HRH1: variants seen among roughly 807,000 people sequenced by gnomAD.
HRH1 encodes histamine H1 receptor.
Under a neutral mutation model 10.3 loss-of-function variants are expected in HRH1, and 6 were observed. The ratio of observed to expected loss-of-function variants is 0.58; its 90% CI spans 0.32 to 1.15. HRH1 has a LOEUF of 1.15. Ranked by LOEUF, HRH1 falls within the 50% of genes most tolerant of loss-of-function variation. HRH1 has a pLI of 0.05. For missense variants in HRH1, 514 were observed against 615.3 expected, an observed-to-expected ratio of 0.84 and a Z score of 1.74; for synonymous variants, 242 against 236.7, an observed-to-expected ratio of 1.02 and a Z score of -0.21.
At chr3:11,137,995 G>A (rs1429405327) in intron 1 of HRH1, among the ~76,000 whole-genome samples, 4 of 151,898 alleles carry the variant, frequency 2.6e-5, no homozygotes, top group Non-Finnish European at 5.9e-5. Context: ...CCTGATACAG[G>A]TGTACTATCC....
intron 1 of HRH1, among the ~76,000 whole-genome samples, chr3:11,168,162 A>G (rs1937084401): frequency 6.6e-6 from 1 of 152,212 alleles, no homozygotes; most frequent in South Asian, 2.1e-4. Flanking sequence ...CAAAGGGGAC[A>G]GCAAGGCCTG....
intron 1 of HRH1, among the ~76,000 whole-genome samples, chr3:11,169,115 C>T (rs1559258699): frequency 6.6e-6 from 1 of 152,204 alleles, no homozygotes; most frequent in Non-Finnish European, 1.5e-5. Context: ...GAGTTTGAAT[C>T]ACGGCTCTGC....
At position 11,259,445 on chromosome 3, in the gene HRH1, T is replaced by G; in HGVS notation, c.408T>G (p.Leu136=). The G allele has an allele frequency of 6.2e-7, 1 of 1,613,706 alleles. No homozygotes were observed. Among genetic ancestry groups the G allele is most frequent in the Non-Finnish European group, 8.5e-7 (1 of 1,179,894 alleles). ...YRSVQQPLRY[L]KYRTKTRASA... Reference sequence around the variant, plus strand: ...CTGTCCAGCAGCCCCTCAGGTACCTTAAGTATCGTACCAAGACCCGAGCCT... The same window carrying G: ...CTGTCCAGCAGCCCCTCAGGTACCTGAAGTATCGTACCAAGACCCGAGCCT... Residue 136 remains leucine, a synonymous_variant, in exon 2 of 2, where the codon CTT becomes CTG. Transcript: ENST00000431010. The surrounding 1 kb of genome is among the most constrained non-coding windows in gnomAD (Gnocchi z 4.6).
intron 1 of HRH1, among the ~76,000 whole-genome samples, chr3:11,235,948 TG>T (rs897265541): frequency 6.6e-5 from 10 of 152,170 alleles, no homozygotes; most frequent in African/African-American, 2.4e-4. Flanking sequence ...AAATCTCTGA[TG>T]TATGTGGCCA....
At chr3:11,153,350 A>C (rs1225177900), upstream of HRH1, among the ~76,000 whole-genome samples, 2 of 152,188 alleles carry the variant, frequency 1.3e-5, no homozygotes, top group Non-Finnish European at 2.9e-5. Context: ...TGTTACCGAC[A>C]TGGGCCCTGA....
At chr3:11,142,652 C>T (rs183762583) in intron 1 of HRH1, among the ~76,000 whole-genome samples, 30 of 152,320 alleles carry the variant, frequency 2.0e-4, no homozygotes, top group Non-Finnish European at 3.8e-4. Flanking sequence ...CAGTGGCTCA[C>T]GCCTGTAATT....
chr3:11,219,442 G>A (rs1412115059), intron 1 of HRH1, among the ~76,000 whole-genome samples: 3 of 151,982 alleles, frequency 2.0e-5, no homozygotes, highest in African/African-American at 4.8e-5. Flanking sequence ...GGCTGGGCAC[G>A]GTGGCTCATG....
intron 1 of HRH1, among the ~76,000 whole-genome samples, chr3:11,207,521 A>C (rs970572199): frequency 4.3e-4 from 66 of 152,224 alleles, no homozygotes; most frequent in African/African-American, 1.5e-3. Context: ...GTGAGCCGAG[A>C]TCATGCCACT....
At chr3:11,150,882 C>T (rs1177108444), upstream of HRH1, among the ~76,000 whole-genome samples, 1 of 152,238 alleles carries the variant, frequency 6.6e-6, no homozygotes, top group African/African-American at 2.4e-5. Flanking sequence ...CTACCAGAGC[C>T]AAGCACTGTG....
intron 1 of HRH1, among the ~76,000 whole-genome samples, chr3:11,163,380 G>T (rs1314851100): frequency 6.6e-6 from 1 of 152,202 alleles, no homozygotes; most frequent in East Asian, 1.9e-4. Flanking sequence ...CATCTGGAAA[G>T]ATGTCCCTGA....
At chr3:11,238,819 A>G (rs1939257110) in intron 1 of HRH1, among the ~76,000 whole-genome samples, 1 of 152,192 alleles carries the variant, frequency 6.6e-6, no homozygotes, top group Admixed American at 6.5e-5. Context: ...TTCACCTAGC[A>G]TGATGTTTTT....
At chr3:11,190,350 AAT>A (rs58649558) in intron 1 of HRH1, among the ~76,000 whole-genome samples, 16 of 147,786 alleles carry the variant, frequency 1.1e-4, no homozygotes, top group Admixed American at 2.0e-4. Flanking sequence ...TGTCTCTAGT[AAT>A]ATATATATAT....
At chr3:11,230,891 A>G (rs542320334) in intron 1 of HRH1, among the ~76,000 whole-genome samples, 1 of 152,350 alleles carries the variant, frequency 6.6e-6, no homozygotes, top group African/African-American at 2.4e-5. Context: ...CAGTGGTAGC[A>G]TATTACAAAA....
chr3:11,196,374 A>G (rs1937651569), intron 1 of HRH1, among the ~76,000 whole-genome samples: 2 of 151,762 alleles, frequency 1.3e-5, no homozygotes, highest in African/African-American at 4.8e-5. Context: ...CATTTGCCAC[A>G]AACACACTGT....
intron 1 of HRH1, among the ~76,000 whole-genome samples, chr3:11,174,758 G>A (rs1318631318): frequency 1.3e-5 from 2 of 152,212 alleles, no homozygotes; most frequent in African/African-American, 2.4e-5. Context: ...TACAGGGGCT[G>A]GAACCTGGGA....
At chr3:11,251,044 C>T (rs1422023644) in intron 1 of HRH1, among the ~76,000 whole-genome samples, 6 of 152,208 alleles carry the variant, frequency 3.9e-5, no homozygotes, top group Admixed American at 3.9e-4. Context: ...TTGTACCCAT[C>T]TTCCCTCGTG....
chr3:11,233,313 G>A (rs1295373122), intron 1 of HRH1, among the ~76,000 whole-genome samples: 1 of 152,066 alleles, frequency 6.6e-6, no homozygotes, highest in Non-Finnish European at 1.5e-5. Context: ...TTTTCTCTCT[G>A]ATGTTCAGAT....
intron 1 of HRH1, among the ~76,000 whole-genome samples, chr3:11,250,037 T>C (rs1287678507): frequency 2.8e-5 from 3 of 109,044 alleles, no homozygotes; most frequent in Non-Finnish European, 5.3e-5. Context: ...CTTTTCTCTT[T>C]TTTTTTTTTT....
intron 1 of HRH1, among the ~76,000 whole-genome samples, chr3:11,252,527 G>A (rs1397312191): frequency 6.6e-6 from 1 of 152,184 alleles, no homozygotes; most frequent in South Asian, 2.1e-4. Context: ...CATCAGTATT[G>A]CTGTTTTCAA....
Sources: gnomAD v4.1 joint callset for allele counts (sites outside exome capture counted in the v4.1 genomes callset) on GRCh38, gnomAD v4.1.1 for gene constraint, Gnocchi (gnomAD v3.1) non-coding constraint, MANE v1.5 for transcripts, NCBI Gene and HGNC (gene_info 2026-07-23, HGNC 2026-07-21) for gene names.